The following COLEC10 variants were observed in gnomAD, a reference collection of about 807,000 sequenced individuals.
COLEC10 encodes collectin subfamily member 10, also known as collectin-10.
COLEC10 carries 22 observed loss-of-function variants against 28.4 expected under a neutral mutation model. That is an observed-to-expected ratio of 0.78 (90% CI 0.55 to 1.11). The LOEUF is 1.11. COLEC10 is among the 50% of genes least tolerant of loss of function. The pLI, the probability that COLEC10 is intolerant of heterozygous loss-of-function variation, is 0.00. For missense variants in COLEC10, 361 were observed against 344.1 expected (o/e 1.05, Z -0.39); for synonymous variants, 125 against 116.1 (o/e 1.08, Z -0.49).
chr8:119,068,970 C>A (rs1273388354), intron 1 of COLEC10, among the ~76,000 whole-genome samples: 1 of 151,446 alleles, frequency 6.6e-6, no homozygotes, highest in Non-Finnish European at 1.5e-5. Context: ...AAAATAAATT[C>A]TTAATAAAAT....
chr8:119,010,059 G>A (rs1421031544), intron 2 of COLEC10, among the ~76,000 whole-genome samples: 1 of 150,706 alleles, frequency 6.6e-6, no homozygotes, highest in East Asian at 1.9e-4. Context: ...TTCATACTGA[G>A]CATTGTACAT....
At chr8:118,956,532 G>A in the COLEC10 span, among the ~76,000 whole-genome samples, 1 of 152,112 alleles carries the variant, frequency 6.6e-6, no homozygotes, top group Admixed American at 6.5e-5. Context: ...ACAACCTCTT[G>A]CTTATAAACT....
At chr8:119,047,325 T>C (rs1814603128) in intron 2 of COLEC10, among the ~76,000 whole-genome samples, 1 of 152,184 alleles carries the variant, frequency 6.6e-6, no homozygotes, top group African/African-American at 2.4e-5. Context: ...TGGACTCATT[T>C]CAACTGTGGA....
chr8:118,957,744 A>G, the COLEC10 span, among the ~76,000 whole-genome samples: 1 of 152,228 alleles, frequency 6.6e-6, no homozygotes, highest in African/African-American at 2.4e-5. Flanking sequence ...AGAGTACATT[A>G]AGAATGAATT....
chr8:119,045,971 G>A (rs1814578083), intron 2 of COLEC10, among the ~76,000 whole-genome samples: 1 of 152,124 alleles, frequency 6.6e-6, no homozygotes, highest in Non-Finnish European at 1.5e-5. Flanking sequence ...CATACTATTT[G>A]CTGAAAATTT....
At position 119,106,080 on chromosome 8, in the gene COLEC10, C is replaced by T. The variant is rs1460055810; in HGVS notation, c.723C>T (p.Asp241=). The change falls in exon 6 of 6, where the codon GAC becomes GAT. Residue 241 remains aspartate (D), a synonymous_variant. Transcript: ENST00000332843. ...YSNWNEGEPS[D]PYGHEDCVEM... ...ACTGGAATGAGGGGGAACCCAGCGA[C>T]CCCTATGGTCATGAGGACTGTGTGG... 2 of 1,613,798 alleles carry T rather than the reference C, an allele frequency of 1.2e-6. No homozygotes were observed. Among genetic ancestry groups the T allele is most frequent in the Non-Finnish European group, 1.7e-6 (2 of 1,179,898 alleles).
chr8:119,062,669 G>A (rs193067765), upstream of COLEC10, among the ~76,000 whole-genome samples: 1,732 of 151,944 alleles, frequency 0.011, 21 homozygotes, highest in Middle Eastern at 0.024. Context: ...TAGTAGAGAC[G>A]GGGTTTCACC....
chr8:119,090,984 A>G (rs1401381162), intron 2 of COLEC10, among the ~76,000 whole-genome samples, 165 bp from the exon 3 acceptor site: 3 of 152,226 alleles, frequency 2.0e-5, no homozygotes, highest in Non-Finnish European at 4.4e-5. Flanking sequence ...TTTAATACAT[A>G]CATTATAAGT....
At chr8:119,076,875 G>A (rs1162912996) in intron 1 of COLEC10, among the ~76,000 whole-genome samples, 1 of 152,228 alleles carries the variant, frequency 6.6e-6, no homozygotes, top group Non-Finnish European at 1.5e-5. Context: ...ATGGGAAGTT[G>A]AGGGATGCAG....
intron 3 of COLEC10, among the ~76,000 whole-genome samples, chr8:119,092,495 C>A (rs1203014121): frequency 6.6e-6 from 1 of 152,186 alleles, no homozygotes; most frequent in African/African-American, 2.4e-5. Flanking sequence ...GTTCTAATTG[C>A]TCCTGATATT....
upstream of COLEC10, chr8:118,995,329 T>G (rs1216921993): frequency 6.6e-6 from 1 of 152,182 alleles, no homozygotes; most frequent in Non-Finnish European, 1.5e-5. Flanking sequence ...GCCAGTAAAC[T>G]CTGTATTTTT....
At chr8:119,037,652 C>T (rs1373063095) in intron 2 of COLEC10, among the ~76,000 whole-genome samples, 2 of 152,138 alleles carry the variant, frequency 1.3e-5, no homozygotes, top group African/African-American at 4.8e-5. Flanking sequence ...AGAGAAATTC[C>T]AGATATTTAA....
intron 2 of COLEC10, among the ~76,000 whole-genome samples, chr8:119,017,356 A>G (rs1814012869): frequency 6.6e-6 from 1 of 152,180 alleles, no homozygotes; most frequent in Non-Finnish European, 1.5e-5. Context: ...GTGATCAGCA[A>G]TTTAAGCAGG....
At chr8:119,033,506 G>A (rs1050452300) in intron 2 of COLEC10, among the ~76,000 whole-genome samples, 2 of 152,034 alleles carry the variant, frequency 1.3e-5, no homozygotes, top group Admixed American at 6.5e-5. Context: ...ATCTGACAAA[G>A]GGCTAATATC....
At chr8:119,103,978 T>C in intron 5 of COLEC10, 83 bp downstream of exon 5, 1 of 997,358 alleles carries the variant, frequency 1.0e-6, no homozygotes, top group Non-Finnish European at 1.6e-6. Flanking sequence ...GATGGAAATA[T>C]CTTGAGTTGG....
upstream of COLEC10, chr8:119,062,991 A>G (rs965010017): frequency 1.3e-5 from 2 of 152,246 alleles, no homozygotes; most frequent in Non-Finnish European, 2.9e-5. Flanking sequence ...AACCAAGTCC[A>G]AAGTTGAGTT....
intron 3 of COLEC10, among the ~76,000 whole-genome samples, chr8:119,098,373 T>C (rs1234140782): frequency 6.6e-6 from 1 of 152,104 alleles, no homozygotes; most frequent in Non-Finnish European, 1.5e-5. Flanking sequence ...CTTGAAATGA[T>C]AGGATTAACT....
chr8:119,021,901 G>A (rs1354981836), intron 2 of COLEC10, among the ~76,000 whole-genome samples: 1 of 152,078 alleles, frequency 6.6e-6, no homozygotes, highest in Non-Finnish European at 1.5e-5. Context: ...TTTCTGTAAT[G>A]ATTACATGTA....
intron 1 of COLEC10, among the ~76,000 whole-genome samples, chr8:119,088,324 C>T (rs1815523844): frequency 6.6e-6 from 1 of 152,126 alleles, no homozygotes; most frequent in South Asian, 2.1e-4. Flanking sequence ...ATCACCTGTG[C>T]ATTCTTTTCT....
Sources: allele counts gnomAD v4.1 joint callset (sites outside exome capture counted in the v4.1 genomes callset), GRCh38; gene constraint gnomAD v4.1.1; transcripts MANE v1.5; gene names NCBI Gene and HGNC (gene_info 2026-07-23, HGNC 2026-07-21).